The following LHFPL6 variants were observed in gnomAD, a reference collection of about 807,000 sequenced individuals.
LHFPL6 encodes LHFPL tetraspan subfamily member 6 protein.
A neutral mutation model predicts 20.6 loss-of-function variants in LHFPL6; 9 were observed. The ratio of observed to expected loss-of-function variants is 0.44; its 90% CI spans 0.26 to 0.76. The LOEUF (loss-of-function observed/expected upper bound fraction) is 0.76. LHFPL6 is among the 30% of genes least tolerant of loss of function. The pLI, the probability that LHFPL6 is intolerant of heterozygous loss-of-function variation, is 0.20. For synonymous variants in LHFPL6, 105 were observed against 98.7 expected (o/e 1.06, Z -0.38); for missense variants, 218 against 253.5 (o/e 0.86, Z 0.95).
At chr13:39,446,909 A>C (rs1872306471) in intron 2 of LHFPL6, among the ~76,000 whole-genome samples, 1 of 152,222 alleles carries the variant, frequency 6.6e-6, no homozygotes, top group African/African-American at 2.4e-5. Flanking sequence ...GAGTGTAATC[A>C]ATGACCAAGA....
intron 2 of LHFPL6, among the ~76,000 whole-genome samples, chr13:39,433,385 G>C (rs1024236506): frequency 6.6e-6 from 1 of 152,182 alleles, no homozygotes; most frequent in African/African-American, 2.4e-5. Flanking sequence ...TTATATGATA[G>C]ATGCACATGT....
chr13:39,567,029 GTTT>G (rs373103461), intron 2 of LHFPL6, among the ~76,000 whole-genome samples: 2 of 123,402 alleles, frequency 1.6e-5, no homozygotes, highest in Non-Finnish European at 3.4e-5. Flanking sequence ...GTTAGCCAGG[GTTT>G]TTTTTTTTTT....
rs563019768 is a variant in LHFPL6 at position 39,590,181 on chromosome 13, C to A, written c.385+10651G>T. On this transcript the variant is annotated intron_variant, in intron 2 of 3. Coordinates refer to ENST00000379589, the MANE Select transcript of LHFPL6 (RefSeq NM_005780.3). ...TCAGCTGTTAAAAAAAAATTAATCA[C>A]CTGCTTCACTGAGGTGAAATGAAAA... is the stretch of plus-strand genomic sequence containing the variant. Among the ~76,000 whole-genome samples, 11 of 152,250 alleles carry A rather than the reference C, an allele frequency of 7.2e-5. No homozygotes were observed. In the East Asian group the frequency reaches 1.7e-3, roughly 24 times the overall value.
chr13:39,516,388 C>T (rs1176101518), intron 2 of LHFPL6, among the ~76,000 whole-genome samples: 1 of 152,244 alleles, frequency 6.6e-6, no homozygotes, highest in Admixed American at 6.5e-5. Flanking sequence ...CCGAGCAGCC[C>T]CTGGCTTGAT....
rs76031880 is a variant in LHFPL6 at position 39,498,448 on chromosome 13, G to A, written c.385+102384C>T. On this transcript the variant is annotated intron_variant, in intron 2 of 3. Transcript: ENST00000379589. ...TTTTCTATCTACACATAGAACAGTAGGGGGTATCAGGATCCTTTTTAATTC... is the reference window on the plus strand; with the variant it reads ...TTTTCTATCTACACATAGAACAGTAAGGGGTATCAGGATCCTTTTTAATTC... Among the ~76,000 whole-genome samples the A allele has an allele frequency of 0.014, 2,183 of 152,288 alleles. 175 individuals carry two copies. The East Asian group carries it at 0.24, about 17-fold the overall frequency.
chr13:39,593,603 G>A (rs1264287576), intron 2 of LHFPL6, among the ~76,000 whole-genome samples: 4 of 151,900 alleles, frequency 2.6e-5, no homozygotes, highest in Non-Finnish European at 4.4e-5. Context: ...TCACAGAATT[G>A]GAAAAAACTA....
chr13:39,601,000 A>C lies in LHFPL6; in HGVS notation c.217T>G (p.Ser73Ala), dbSNP rs1215464050. The C allele has an allele frequency of 1.2e-6, 2 of 1,614,010 alleles. No individual in the cohort carries two copies. The highest frequency in any genetic ancestry group is 2.2e-5 in the South Asian group (2 of 91,054). The part of the protein sequence containing the change: ...VMVEECGRYA[S>A]FQGIPSAEWR... ...TCTGCGCTGGGGATGCCCTGGAAGG[A>C]GGCATAGCGCCCACATTCCTCCACC... Residue 73 changes from serine to alanine, a missense_variant, in exon 2 of 4, where the codon TCC becomes GCC. Physicochemically the swap from Ser to Ala is moderately conservative, Grantham distance 99. Transcript: ENST00000379589.
At chr13:39,482,215 G>T (rs1313176047) in intron 2 of LHFPL6, among the ~76,000 whole-genome samples, 1 of 152,166 alleles carries the variant, frequency 6.6e-6, no homozygotes, top group Non-Finnish European at 1.5e-5. Flanking sequence ...AGGCTGAGAT[G>T]GGCAGATCAT....
intron 2 of LHFPL6, among the ~76,000 whole-genome samples, chr13:39,415,152 C>T (rs1186436498): frequency 1.3e-5 from 2 of 152,166 alleles, no homozygotes; most frequent in African/African-American, 4.8e-5. Flanking sequence ...GTAATAGCAA[C>T]CTAAGACGGA....
At chr13:39,382,988 A>G (rs935961301) in intron 2 of LHFPL6, among the ~76,000 whole-genome samples, 1 of 152,226 alleles carries the variant, frequency 6.6e-6, no homozygotes, top group African/African-American at 2.4e-5. Flanking sequence ...ATTGGCTATC[A>G]CAGTGATTAG....
chr13:39,494,955 T>C (rs1282052668), intron 2 of LHFPL6, among the ~76,000 whole-genome samples: 1 of 152,228 alleles, frequency 6.6e-6, no homozygotes, highest in East Asian at 1.9e-4. Context: ...TTTAACTGTG[T>C]GACTGTGAGC....
chr13:39,457,894 G>A (rs7489811), intron 2 of LHFPL6, among the ~76,000 whole-genome samples: 60,091 of 151,972 alleles, frequency 0.4, 11,989 homozygotes, highest in Middle Eastern at 0.52. Flanking sequence ...ATAGAAAATG[G>A]CCACAGAGTA....
At chr13:39,450,228 A>C (rs1354379320) in intron 2 of LHFPL6, among the ~76,000 whole-genome samples, 2 of 152,234 alleles carry the variant, frequency 1.3e-5, no homozygotes, top group Admixed American at 1.3e-4. Flanking sequence ...GAGATACAAT[A>C]GTAGACAAAA....
intron 2 of LHFPL6, among the ~76,000 whole-genome samples, chr13:39,420,209 G>A (rs1871445383): frequency 6.6e-6 from 1 of 152,186 alleles, no homozygotes; most frequent in African/African-American, 2.4e-5. Context: ...ACTTTGGAGT[G>A]TCTGAAGATT....
chr13:39,481,153 C>T (rs1175149828), intron 2 of LHFPL6, among the ~76,000 whole-genome samples: 1 of 152,080 alleles, frequency 6.6e-6, no homozygotes, highest in African/African-American at 2.4e-5. Context: ...AATGCCTTAA[C>T]AACACAGGAA....
chr13:39,386,795 C>G (rs1870575906), intron 2 of LHFPL6, among the ~76,000 whole-genome samples: 1 of 152,242 alleles, frequency 6.6e-6, no homozygotes, highest in Non-Finnish European at 1.5e-5. Flanking sequence ...GACTCAAAGA[C>G]ATTTCTGACT....
chr13:39,359,216 T>G (rs2138343543), intron 3 of LHFPL6, among the ~76,000 whole-genome samples: 1 of 152,158 alleles, frequency 6.6e-6, no homozygotes, highest in South Asian at 2.1e-4. Flanking sequence ...AAAAGGGAAA[T>G]TATACGCTGC....
rs754572484 is a variant in LHFPL6 at position 39,601,228 on chromosome 13, T to C, written c.-12A>G. The C allele has an allele frequency of 3.1e-6, 5 of 1,598,398 alleles. No individual in the cohort carries two copies. The highest frequency in any genetic ancestry group is 4.5e-5 in the East Asian group (2 of 44,708). On this transcript the variant is annotated 5_prime_UTR_variant, in exon 2 of 4. Transcript: ENST00000379589. Reference sequence around the variant, plus strand: ...AGGCTGGATGCCATCTTTCACCAGATAGGGCAATGAGGACCCCAAGTAAGT... The same window carrying C: ...AGGCTGGATGCCATCTTTCACCAGACAGGGCAATGAGGACCCCAAGTAAGT...
chr13:39,382,699 A>T (rs1383032563), intron 2 of LHFPL6, among the ~76,000 whole-genome samples: 1 of 152,088 alleles, frequency 6.6e-6, no homozygotes, highest in East Asian at 1.9e-4. Context: ...CATTACTTTG[A>T]AATGTAGATT....
Sources: gnomAD v4.1 joint callset for allele counts (sites outside exome capture counted in the v4.1 genomes callset) on GRCh38, gnomAD v4.1.1 for gene constraint, MANE v1.5 for transcripts, NCBI Gene and HGNC (gene_info 2026-07-23, HGNC 2026-07-21) for gene names.